ACAP2: variants seen among roughly 807,000 people sequenced by gnomAD.
ACAP2 encodes arf-GAP with coiled-coil, ANK repeat and PH domain-containing protein 2.
Under a neutral mutation model 115.8 loss-of-function variants are expected in ACAP2, and 39 were observed. The observed-to-expected ratio is 0.34, with a 90% CI of 0.26 to 0.44. ACAP2 has a LOEUF of 0.44. Among genes scored for constraint, ACAP2 ranks in the 20% least tolerant of loss-of-function variants. ACAP2 has a pLI of 1.00. For missense variants in ACAP2, 662 were observed against 927.6 expected, an observed-to-expected ratio of 0.71 and a Z score of 3.72; for synonymous variants, 289 against 315.8, an observed-to-expected ratio of 0.92 and a Z score of 0.90.
intron 13 of ACAP2, among the ~76,000 whole-genome samples, chr3:195,303,432 T>C (rs199743000): frequency 1.5e-4 from 20 of 134,496 alleles, no homozygotes; most frequent in African/African-American, 5.5e-4. Flanking sequence ...CATACATACA[T>C]ACAAATTAGC....
intron 4 of ACAP2, among the ~76,000 whole-genome samples, chr3:195,367,720 T>A (rs960358664): frequency 2.0e-5 from 3 of 151,844 alleles, no homozygotes; most frequent in African/African-American, 7.2e-5. Flanking sequence ...ACTATCACAT[T>A]AAGAAGTCTG....
intron 13 of ACAP2, among the ~76,000 whole-genome samples, chr3:195,303,483 A>C (rs1342586448): frequency 1.3e-5 from 2 of 151,990 alleles, no homozygotes; most frequent in African/African-American, 4.8e-5. Context: ...GCTACTCAGA[A>C]GGCTGAGGCA....
At chr3:195,387,203 G>A (rs1014311515) in intron 2 of ACAP2, among the ~76,000 whole-genome samples, 5 of 152,180 alleles carry the variant, frequency 3.3e-5, no homozygotes, top group Non-Finnish European at 5.9e-5. Context: ...GATTCTAACT[G>A]AATAATATAA....
intron 1 of ACAP2, among the ~76,000 whole-genome samples, chr3:195,432,262 C>A (rs1368435855): frequency 6.6e-6 from 1 of 152,146 alleles, no homozygotes; most frequent in Non-Finnish European, 1.5e-5. Context: ...GAAACCATTG[C>A]CTAATTCAAG....
At chr3:195,344,882 T>C (rs187346117) in intron 5 of ACAP2, among the ~76,000 whole-genome samples, 1 of 152,182 alleles carries the variant, frequency 6.6e-6, no homozygotes, top group African/African-American at 2.4e-5. Context: ...TCAAAGAAAA[T>C]ACCACATTGA....
intron 9 of ACAP2, among the ~76,000 whole-genome samples, chr3:195,323,947 G>A (rs1729609069): frequency 6.6e-6 from 1 of 152,170 alleles, no homozygotes; most frequent in Non-Finnish European, 1.5e-5. Flanking sequence ...ATAAATGCTT[G>A]AGAGGATGGA....
intron 2 of ACAP2, among the ~76,000 whole-genome samples, chr3:195,385,247 A>G (rs893703645): frequency 0.01 from 960 of 93,012 alleles, 8 homozygotes; most frequent in Non-Finnish European, 0.014. Flanking sequence ...CTCTGTATTC[A>G]AAAAAAAAAA....
intron 1 of ACAP2, among the ~76,000 whole-genome samples, chr3:195,396,321 AT>A (rs1711772174): frequency 6.6e-6 from 1 of 152,094 alleles, no homozygotes; most frequent in African/African-American, 2.4e-5. Context: ...AGACATGGCT[AT>A]GAAATGAATG....
intron 1 of ACAP2, among the ~76,000 whole-genome samples, chr3:195,437,374 T>C (rs892069687): frequency 6.6e-6 from 1 of 152,176 alleles, no homozygotes; most frequent in Non-Finnish European, 1.5e-5. Flanking sequence ...TGGCTTAACA[T>C]ATAGAGTAAA....
At chr3:195,378,094 G>A (rs1174125780) in intron 4 of ACAP2, among the ~76,000 whole-genome samples, 1 of 151,918 alleles carries the variant, frequency 6.6e-6, no homozygotes, top group African/African-American at 2.4e-5. Context: ...AAGGGAGGAG[G>A]AGGAAGGGAG....
At chr3:195,384,217 C>T (rs769332655) in intron 2 of ACAP2, among the ~76,000 whole-genome samples, 6 of 152,068 alleles carry the variant, frequency 3.9e-5, no homozygotes, top group Non-Finnish European at 5.9e-5. Flanking sequence ...GCAAGCTAAG[C>T]GTCTCTCAGT....
chr3:195,294,266 A>C (rs1382859399), intron 18 of ACAP2, among the ~76,000 whole-genome samples: 1 of 151,948 alleles, frequency 6.6e-6, no homozygotes, highest in African/African-American at 2.4e-5. Context: ...ACCTTCTAAA[A>C]GACTAACCCC....
At chr3:195,424,151 C>G (rs1486087762) in intron 1 of ACAP2, among the ~76,000 whole-genome samples, 1 of 149,890 alleles carries the variant, frequency 6.7e-6, no homozygotes, top group Non-Finnish European at 1.5e-5. Context: ...TCTCTGTCCC[C>G]TAGTATAAAT....
chr3:195,406,222 A>G (rs1423291723), intron 1 of ACAP2, among the ~76,000 whole-genome samples: 3 of 152,204 alleles, frequency 2.0e-5, no homozygotes, highest in Non-Finnish European at 4.4e-5. Flanking sequence ...AAGAATCTTT[A>G]TACTTCAAAA....
intron 4 of ACAP2, among the ~76,000 whole-genome samples, chr3:195,374,310 A>G (rs1478001985): frequency 6.6e-6 from 1 of 152,218 alleles, no homozygotes; most frequent in Non-Finnish European, 1.5e-5. Context: ...GAATCACTTG[A>G]ACCCAGGAGG....
intron 2 of ACAP2, among the ~76,000 whole-genome samples, chr3:195,384,861 T>A (rs1483122648): frequency 6.6e-6 from 1 of 152,170 alleles, no homozygotes; most frequent in Admixed American, 6.5e-5. Flanking sequence ...ATAGGTGGTA[T>A]TATGCAACAA....
chr3:195,412,749 C>T (rs1357189782), intron 1 of ACAP2: 1 of 310,546 alleles, frequency 3.2e-6, no homozygotes, highest in Non-Finnish European at 6.7e-6. Context: ...AAAACCGTAA[C>T]TGCCTTTGAA....
intron 4 of ACAP2, among the ~76,000 whole-genome samples, chr3:195,363,714 T>G (rs1389009817): frequency 6.6e-6 from 1 of 151,734 alleles, no homozygotes; most frequent in Non-Finnish European, 1.5e-5. Flanking sequence ...TTACCTCAAA[T>G]TATACTACAG....
chr3:195,358,613 A>G (rs958508260), intron 4 of ACAP2, among the ~76,000 whole-genome samples: 1 of 152,244 alleles, frequency 6.6e-6, no homozygotes, highest in East Asian at 1.9e-4. Flanking sequence ...GTCTCTTAAC[A>G]GCAGAACTGA....
Sources: gnomAD v4.1 joint callset for allele counts (sites outside exome capture counted in the v4.1 genomes callset) on GRCh38, gnomAD v4.1.1 for gene constraint, MANE v1.5 for transcripts, NCBI Gene and HGNC (gene_info 2026-07-23, HGNC 2026-07-21) for gene names.